CAST: variants seen among roughly 807,000 people sequenced by gnomAD.
CAST encodes MIR583 host.
In CAST, 76 loss-of-function variants were observed where a neutral mutation model predicts 119.6. The observed-to-expected ratio is 0.64, with a 90% CI of 0.53 to 0.77. CAST has a LOEUF of 0.77. Ranked by LOEUF, CAST falls within the 30% of genes least tolerant of loss-of-function variation. The pLI, the probability that CAST is intolerant of heterozygous loss-of-function variation, is 0.00. For missense variants in CAST, 953 were observed against 946.5 expected (o/e 1.01, Z -0.09); for synonymous variants, 319 against 331.6 (o/e 0.96, Z 0.41).
chr5:95,984,586 T>C, the CAST span, among the ~76,000 whole-genome samples: 1 of 152,220 alleles, frequency 6.6e-6, no homozygotes, highest in African/African-American at 2.4e-5. Context: ...AAGTAGATTC[T>C]ACACTTTGTT....
chr5:96,765,352 A>C, intron 26 of CAST, 27 bp downstream of exon 26: 1 of 780,414 alleles, frequency 1.3e-6, no homozygotes. Context: ...AAAAAAAAAA[A>C]ATTCACTAAT....
intron 30 of CAST, among the ~76,000 whole-genome samples, chr5:96,770,848 T>C (rs1772046757): frequency 6.6e-6 from 1 of 152,196 alleles, no homozygotes; most frequent in Admixed American, 6.5e-5. Context: ...GTGTTTTGCC[T>C]GTCTTTCTTG....
chr5:96,549,363 CTTTA>C (rs967962167), intron 1 of CAST, among the ~76,000 whole-genome samples: 2 of 152,166 alleles, frequency 1.3e-5, no homozygotes, highest in African/African-American at 4.8e-5. Flanking sequence ...TAGGCCCTTA[CTTTA>C]TTTATTTTAC....
At chr5:96,433,362 C>T in the CAST span, 3 of 401,874 alleles carry the variant, frequency 7.5e-6, no homozygotes, top group Non-Finnish European at 9.5e-6. Context: ...GTATTCCCGG[C>T]GGGGCGGAGA....
chr5:96,355,727 G>A, the CAST span, among the ~76,000 whole-genome samples: 1 of 151,750 alleles, frequency 6.6e-6, no homozygotes, highest in Non-Finnish European at 1.5e-5. Context: ...TTTTGAGACG[G>A]CGTCTTGCTG....
chr5:96,010,353 C>T, the CAST span, among the ~76,000 whole-genome samples: 10 of 152,002 alleles, frequency 6.6e-5, no homozygotes, highest in African/African-American at 2.2e-4. Flanking sequence ...ACTCTGTCAC[C>T]CAGGCTGGAG....
chr5:96,717,870 T>C (rs772844923), intron 3 of CAST, among the ~76,000 whole-genome samples: 1 of 152,180 alleles, frequency 6.6e-6, no homozygotes, highest in African/African-American at 2.4e-5. Context: ...GGAAACATGG[T>C]AGACATTTAT....
chr5:96,188,870 A>G, the CAST span, among the ~76,000 whole-genome samples: 1 of 152,180 alleles, frequency 6.6e-6, no homozygotes, highest in Non-Finnish European at 1.5e-5. Flanking sequence ...AGTCAAATAA[A>G]TTGTCTTTTA....
chr5:96,760,552 TG>T (rs1767576437), intron 24 of CAST, among the ~76,000 whole-genome samples: 1 of 151,822 alleles, frequency 6.6e-6, no homozygotes, highest in African/African-American at 2.4e-5. Flanking sequence ...TAACAACACA[TG>T]AAAAAAATGA....
At chr5:96,209,675 G>C in the CAST span, among the ~76,000 whole-genome samples, 1 of 111,332 alleles carries the variant, frequency 9.0e-6, no homozygotes, top group Non-Finnish European at 1.7e-5. Flanking sequence ...ATCTCTTCTG[G>C]CATGTAGGAT....
chr5:96,502,752 G>A, the CAST span, among the ~76,000 whole-genome samples: 5 of 152,018 alleles, frequency 3.3e-5, no homozygotes, highest in South Asian at 8.3e-4. Context: ...TCTACTACAT[G>A]TATTACTTAG....
At chr5:95,978,870 T>C in the CAST span, among the ~76,000 whole-genome samples, 1 of 152,166 alleles carries the variant, frequency 6.6e-6, no homozygotes, top group Non-Finnish European at 1.5e-5. Context: ...GTAAATTAAT[T>C]GGGCATTTAA....
At chr5:96,544,961 A>G (rs978487278) in intron 1 of CAST, among the ~76,000 whole-genome samples, 2 of 152,202 alleles carry the variant, frequency 1.3e-5, no homozygotes, top group African/African-American at 2.4e-5. Context: ...GAATTGCTAT[A>G]TTAATTTAAA....
At chr5:96,394,846 G>A in the CAST span, 1 of 1,612,992 alleles carries the variant, frequency 6.2e-7, no homozygotes, top group Non-Finnish European at 8.5e-7. Context: ...AGCATGCCAA[G>A]AACAGAGCCA....
chr5:96,074,416 G>A, the CAST span, among the ~76,000 whole-genome samples: 1 of 152,222 alleles, frequency 6.6e-6, no homozygotes, highest in African/African-American at 2.4e-5. Context: ...AGAGACACCT[G>A]AGAACTTGTT....
the CAST span, among the ~76,000 whole-genome samples, chr5:96,338,805 G>T: frequency 2.6e-5 from 4 of 152,166 alleles, no homozygotes; most frequent in Non-Finnish European, 1.5e-5. Context: ...GTGCTCTAGA[G>T]ACTTGGCTCC....
At chr5:96,462,461 A>G in the CAST span, among the ~76,000 whole-genome samples, 53 of 152,264 alleles carry the variant, frequency 3.5e-4, no homozygotes, top group African/African-American at 1.3e-3. Context: ...AAATAGGCAT[A>G]TTAGTAGTAC....
chr5:95,999,839 A>G, the CAST span, among the ~76,000 whole-genome samples: 1 of 152,182 alleles, frequency 6.6e-6, no homozygotes, highest in Non-Finnish European at 1.5e-5. Context: ...ATTGTTTTTT[A>G]AAGTGGCTGC....
At chr5:96,169,405 A>G in the CAST span, among the ~76,000 whole-genome samples, 912 of 152,130 alleles carry the variant, frequency 6.0e-3, 6 homozygotes, top group African/African-American at 0.021. Context: ...TTGTGGAGGG[A>G]GGTATTGAGG....
Sources: gnomAD v4.1 joint callset for allele counts (sites outside exome capture counted in the v4.1 genomes callset) on GRCh38, gnomAD v4.1.1 for gene constraint, MANE v1.5 for transcripts, NCBI Gene and HGNC (gene_info 2026-07-23, HGNC 2026-07-21) for gene names.